Variants in DNMT3B observed in about 807,000 individuals in gnomAD.
The protein encoded by DNMT3B is DNA (cytosine-5)-methyltransferase 3B.
DNMT3B carries 37 observed loss-of-function variants against 120.2 expected under a neutral mutation model. The observed-to-expected ratio is 0.31, with a 90% CI of 0.24 to 0.40. The LOEUF (loss-of-function observed/expected upper bound fraction) is 0.40. Ranked by LOEUF, DNMT3B falls within the 10% of genes least tolerant of loss-of-function variation. The pLI is 1.00. For synonymous variants in DNMT3B, 412 were observed against 442.8 expected, an observed-to-expected ratio of 0.93 and a Z score of 0.87; for missense variants, 878 against 1,137.3, an observed-to-expected ratio of 0.77 and a Z score of 3.28.
Position 32,762,660 on chromosome 20 carries a change from G to C in DNMT3B, c.-46G>C, listed in dbSNP as rs778443613. On this transcript the variant is annotated 5_prime_UTR_variant, in exon 1 of 23. Coordinates refer to ENST00000328111, the MANE Select transcript of DNMT3B (RefSeq NM_006892.4). ...TCCCGCCAGCCAGCCCCGACCCGCG[G>C]CTCCGCCGCCCAGCCGCGCCCCAGC... 9.0e-6 allele frequency: 2 copies of C among 223,224 alleles called. No individual in the cohort carries two copies. Among genetic ancestry groups the C allele is most frequent in the South Asian group, 1.0e-4 (2 of 20,090 alleles). The allele number at this position is 223,224 out of a possible 1,614,324, so 13.8% of individuals were successfully genotyped here. A position where few individuals can be genotyped will look rare whatever the true frequency, so the allele number is the denominator to read the frequency against.
intron 10 of DNMT3B, 118 bp from the exon 11 acceptor site, chr20:32,795,291 C>T: frequency 6.6e-7 from 1 of 1,506,286 alleles, no homozygotes; most frequent in Non-Finnish European, 9.2e-7. Context: ...TCAGTGTGGA[C>T]CCCCTGTCAT....
At chr20:32,791,771 A>G (rs1979995846) in intron 8 of DNMT3B, 63 bp downstream of exon 8, 3 of 1,578,888 alleles carry the variant, frequency 1.9e-6, no homozygotes, top group African/African-American at 1.3e-5. Flanking sequence ...AGAGACCCAC[A>G]GAAACCTAGC....
intron 18 of DNMT3B, 111 bp downstream of exon 18, chr20:32,801,036 C>T: frequency 3.7e-6 from 5 of 1,360,468 alleles, no homozygotes; most frequent in Non-Finnish European, 4.2e-6. Flanking sequence ...TTACTGGCAG[C>T]ATCAGGGGCC....
chr20:32,807,444 C>G (rs1219200899), intron 22 of DNMT3B, among the ~76,000 whole-genome samples: 2 of 152,072 alleles, frequency 1.3e-5, no homozygotes, highest in South Asian at 2.1e-4. Context: ...CTTAACTTCT[C>G]CCATCATAGT....
intron 15 of DNMT3B, 144 bp downstream of exon 15, chr20:32,798,787 GC>G (rs1460191224): frequency 3.3e-6 from 4 of 1,224,152 alleles, no homozygotes; most frequent in Middle Eastern, 2.7e-4. Context: ...CTGGCGAATT[GC>G]CAGCTCCTCT....
Position 32,787,237 on chromosome 20 carries a change from G to C in DNMT3B, c.440G>C (p.Arg147Thr). The C allele has an allele frequency of 6.2e-7, 1 of 1,614,262 alleles. No homozygotes were observed. ...PVEFPATRSL[R>T]RRATASAGTP... ...GTGTCCTTCTGTCCACAGTCCCTGA[G>C]ACGGCGGGCAACAGCATCGGCAGGA... Residue 147 changes from arginine to threonine, a missense_variant, in exon 6 of 23, where the codon AGA becomes ACA. By Grantham distance (71) the Arg-to-Thr change is moderately conservative. Around this residue, in one of 4 missense-constraint regions of DNMT3B, gnomAD observed 287 missense variants for 306.2 expected, o/e 0.94. Transcript: ENST00000328111.
intron 12 of DNMT3B, among the ~76,000 whole-genome samples, chr20:32,796,241 C>G (rs1980603407): frequency 6.6e-6 from 1 of 152,150 alleles, no homozygotes; most frequent in African/African-American, 2.4e-5. Context: ...ATCCTATTCC[C>G]CAAGACTCAC....
chr20:32,767,419 G>A (rs575395355), intron 1 of DNMT3B, among the ~76,000 whole-genome samples: 1 of 150,886 alleles, frequency 6.6e-6, no homozygotes, highest in East Asian at 1.9e-4. Context: ...GTAAGCTCTT[G>A]TGTGTGTTTT....
intron 18 of DNMT3B, 105 bp downstream of exon 18, chr20:32,801,030 T>C: frequency 1.4e-6 from 2 of 1,417,098 alleles, no homozygotes; most frequent in Non-Finnish European, 9.9e-7. Context: ...GCCAAGTTAC[T>C]GGCAGCATCA....
intron 6 of DNMT3B, among the ~76,000 whole-genome samples, chr20:32,788,039 A>G (rs1979536879): frequency 6.6e-6 from 1 of 152,168 alleles, no homozygotes; most frequent in African/African-American, 2.4e-5. Flanking sequence ...CCGGCCATTT[A>G]TACTTCTTTT....
Position 32,784,818 on chromosome 20 carries a change from A to G in DNMT3B, c.265A>G (p.Lys89Glu). The G allele has an allele frequency of 6.2e-7, 1 of 1,614,112 alleles. No homozygotes were observed. The highest frequency in any genetic ancestry group is 8.5e-7 in the Non-Finnish European group (1 of 1,180,016). The change falls in exon 4 of 23, where the codon AAG (lysine) becomes GAG (glutamate). Residue 89 changes from lysine to glutamate, a missense_variant. By Grantham distance (56) the Lys-to-Glu change is moderately conservative. Around this residue, in one of 4 missense-constraint regions of DNMT3B, gnomAD observed 287 missense variants for 306.2 expected, o/e 0.94. Coordinates refer to ENST00000328111, the MANE Select transcript of DNMT3B (RefSeq NM_006892.4). ...TGGCTCTGACACCCCAGTCATGCCA[A>G]AGCTCTTCCGGGAAACCAGGACTCG... ...GDGSDTPVMP[K>E]LFRETRTRSE... is the part of the protein sequence containing the mutation.
intron 1 of DNMT3B, among the ~76,000 whole-genome samples, chr20:32,763,672 G>C (rs1987117474): frequency 6.6e-6 from 1 of 152,200 alleles, no homozygotes; most frequent in South Asian, 2.1e-4. Context: ...GTAAGACTGC[G>C]CTGCCCTTGG....
intron 22 of DNMT3B, 38 bp downstream of exon 22, chr20:32,806,365 A>C (rs746795566): frequency 1.2e-5 from 19 of 1,588,508 alleles, no homozygotes; most frequent in Non-Finnish European, 1.6e-5. Context: ...AACTGTGTAG[A>C]TCAAAACACA....
chr20:32,805,396 A>AG lies in DNMT3B; in HGVS notation c.2292dup (p.Ile765AspfsTer40). Reference sequence around the variant, plus strand: ...GCTGCAGGACTGCTTGGAATACAATAGGATAGCCAAGGTAAGACGAGCTGT... The same window carrying AG: ...GCTGCAGGACTGCTTGGAATACAATAGGGATAGCCAAGGTAAGACGAGCTGT... On this transcript the variant is annotated frameshift_variant, in exon 21 of 23. Coordinates refer to ENST00000328111, the MANE Select transcript of DNMT3B (RefSeq NM_006892.4). LOFTEE classifies it high-confidence loss of function. 1 of 1,614,104 alleles carries AG rather than the reference A, an allele frequency of 6.2e-7. No individual in the cohort carries two copies. Among genetic ancestry groups the AG allele is most frequent in the Non-Finnish European group, 8.5e-7 (1 of 1,180,010 alleles).
At position 32,787,336 on chromosome 20, in the gene DNMT3B, C is replaced by T. The variant is rs537913125; in HGVS notation, c.539C>T (p.Thr180Met). Reference protein sequence around the residue: ...LTDDTEDTHGTPQSSSTPYAR... With the variant: ...LTDDTEDTHGMPQSSSTPYAR... ...GACGACACAGAGGACACACATGGGA[C>T]GCCCCAGAGCAGCAGTACCCCCTAC... The change falls in exon 6 of 23, where the codon ACG (threonine) becomes ATG (methionine). Residue 180 changes from threonine (T) to methionine (M), a missense_variant. By Grantham distance (81) the Thr-to-Met change is moderately conservative (BLOSUM62 -1). This residue lies in a region of DNMT3B where 287 missense variants were observed against 306.2 expected (regional missense o/e 0.94). Coordinates refer to ENST00000328111, the MANE Select transcript of DNMT3B (RefSeq NM_006892.4). The T allele has an allele frequency of 1.4e-5, 23 of 1,614,224 alleles. 1 individual carries two copies. The highest frequency in any genetic ancestry group is 5.5e-5 in the South Asian group (5 of 91,086).
In DNMT3B at chr20:32,795,409, A is replaced by G; in HGVS notation, c.1127A>G (p.Glu376Gly). ...GCTGCAGTCTAATTACCTTTCACAG[A>G]GAACAAGACTCGAAGACGCACAGCT... ...GSRKLESRKYENKTRRRTADD... is the reference protein window; with the variant it reads ...GSRKLESRKYGNKTRRRTADD... Residue 376 changes from glutamate to glycine, a missense_variant and splice_region_variant, in exon 11 of 23, where the codon GAG becomes GGG. Physicochemically the swap from Glu to Gly is moderately conservative, Grantham distance 98. Coordinates refer to ENST00000328111, the MANE Select transcript of DNMT3B (RefSeq NM_006892.4). The G allele has an allele frequency of 1.2e-6, 2 of 1,614,090 alleles. No individual in the cohort carries two copies. The highest frequency in any genetic ancestry group is 1.7e-6 in the Non-Finnish European group (2 of 1,179,986).
chr20:32,792,011 G>A (rs1251280859), intron 8 of DNMT3B, among the ~76,000 whole-genome samples: 1 of 152,194 alleles, frequency 6.6e-6, no homozygotes, highest in East Asian at 1.9e-4. Flanking sequence ...GCCTTCTTAT[G>A]AGGGTTGGAG....
At chr20:32,787,477 A>G (rs773308080) in intron 6 of DNMT3B, 26 bp downstream of exon 6, 44 of 1,603,980 alleles carry the variant, frequency 2.7e-5, no homozygotes, top group Admixed American at 5.2e-5. Context: ...GCTCCTGCCC[A>G]GGGTGACTGA....
intron 10 of DNMT3B, among the ~76,000 whole-genome samples, chr20:32,795,073 CT>C (rs1341534449): frequency 2.0e-5 from 3 of 152,216 alleles, no homozygotes; most frequent in Admixed American, 1.3e-4. Context: ...TAGCCACCCC[CT>C]ATGCCTACTG....
Sources: gnomAD v4.1 joint callset for allele counts (sites outside exome capture counted in the v4.1 genomes callset) on GRCh38, gnomAD v4.1.1 for gene constraint, gnomAD v4.1.1 regional missense constraint, MANE v1.5 for transcripts, NCBI Gene and HGNC (gene_info 2026-07-23, HGNC 2026-07-21) for gene names.